Variants in FGD4 observed in about 807,000 individuals in gnomAD.
FGD4 encodes the protein FYVE, RhoGEF and PH domain containing 4.
Under a neutral mutation model 102.0 loss-of-function variants are expected in FGD4, and 42 were observed. The ratio of observed to expected loss-of-function variants is 0.41; its 90% CI spans 0.32 to 0.53. FGD4 has a LOEUF of 0.53. Ranked by LOEUF, FGD4 falls within the 20% of genes least tolerant of loss-of-function variation. FGD4 has a pLI of 0.21. For missense variants in FGD4, 902 were observed against 1,078.2 expected (o/e 0.84, Z 2.29); for synonymous variants, 380 against 375.7 (o/e 1.01, Z -0.13).
chr12:32,531,147 T>G (rs1941777478), intron 1 of FGD4, among the ~76,000 whole-genome samples: 1 of 151,802 alleles, frequency 6.6e-6, no homozygotes, highest in Non-Finnish European at 1.5e-5. Flanking sequence ...AGACAGGGTT[T>G]CACCACGTTG....
intron 10 of FGD4, among the ~76,000 whole-genome samples, chr12:32,612,963 C>T (rs1291477030): frequency 1.3e-5 from 2 of 152,006 alleles, no homozygotes; most frequent in Non-Finnish European, 2.9e-5. Flanking sequence ...CTTTGTTATC[C>T]TAATGAATTT....
chr12:32,475,902 A>T (rs764483869), intron 1 of FGD4, among the ~76,000 whole-genome samples: 8 of 152,180 alleles, frequency 5.3e-5, no homozygotes, highest in Non-Finnish European at 8.8e-5. Flanking sequence ...ATGAAGTCCA[A>T]CTTCTTTATA....
At chr12:32,475,569 C>T (rs1464380556) in intron 1 of FGD4, among the ~76,000 whole-genome samples, 2 of 152,164 alleles carry the variant, frequency 1.3e-5, no homozygotes, top group Admixed American at 1.3e-4. Flanking sequence ...GCATTTGTAT[C>T]ACCTGGGAAC....
In FGD4 at chr12:32,399,899, T is replaced by A; in HGVS notation, c.106T>A (p.Ser36Thr). Residue 36 changes from serine to threonine, a missense_variant, in exon 1 of 17, where the codon TCG becomes ACG. By Grantham distance (58) the Ser-to-Thr change is moderately conservative (BLOSUM62 1). Around this residue, in one of 2 missense-constraint regions of FGD4, gnomAD observed 443 missense variants for 459.2 expected, o/e 0.96. Coordinates refer to ENST00000534526, the MANE Select transcript of FGD4 (RefSeq NM_001370298.3). The stretch of plus-strand genomic sequence containing the variant: ...GCCCCGGCCCTGGAGCAGGCCCGCG[T>A]CGCACCTGGGACGTGTAGGGACCGC... ...GVPRPWSRPA[S>T]HLGRVGTAAF... is the part of the protein sequence containing the mutation. The A allele has an allele frequency of 2.0e-6, 3 of 1,529,290 alleles. No homozygotes were observed. The highest frequency in any genetic ancestry group is 2.6e-6 in the Non-Finnish European group (3 of 1,144,492). The allele number at this position is 1,529,290 out of a possible 1,614,324, so 94.7% of individuals were successfully genotyped here.
chr12:32,640,207 T>G (rs1951086564), intron 16 of FGD4, 69 bp from the exon 17 acceptor site: 4 of 1,611,812 alleles, frequency 2.5e-6, no homozygotes, highest in Non-Finnish European at 3.4e-6. Flanking sequence ...AGAGGTTTAG[T>G]AGGAGCAAGG....
At chr12:32,556,099 C>A (rs985303652) in intron 1 of FGD4, among the ~76,000 whole-genome samples, 1 of 152,060 alleles carries the variant, frequency 6.6e-6, no homozygotes, top group Non-Finnish European at 1.5e-5. Flanking sequence ...CCGTGGCGTC[C>A]CTAAGTGCTG....
intron 5 of FGD4, among the ~76,000 whole-genome samples, chr12:32,598,927 T>C (rs1052427699): frequency 1.3e-5 from 2 of 152,258 alleles, no homozygotes; most frequent in African/African-American, 4.8e-5. Flanking sequence ...ATGATTCTAA[T>C]GCTAAGATGG....
At chr12:32,616,194 G>A (rs1949440980) in intron 10 of FGD4, among the ~76,000 whole-genome samples, 1 of 152,004 alleles carries the variant, frequency 6.6e-6, no homozygotes, top group Non-Finnish European at 1.5e-5. Flanking sequence ...CTGAGCTCTG[G>A]GTCTAACCAA....
chr12:32,457,261 A>C (rs940797104), intron 1 of FGD4, among the ~76,000 whole-genome samples: 1 of 152,146 alleles, frequency 6.6e-6, no homozygotes, highest in Non-Finnish European at 1.5e-5. Flanking sequence ...TTTTAACTAG[A>C]AATCAGAGAT....
At chr12:32,625,289 T>TTTTTA (rs368679104) in intron 13 of FGD4, among the ~76,000 whole-genome samples, 2 of 143,846 alleles carry the variant, frequency 1.4e-5, no homozygotes, top group African/African-American at 5.5e-5. Context: ...TTTTTTTTTT[T>TTTTTA]AACAGAGTCT....
chr12:32,431,784 A>G (rs1248619267), intron 1 of FGD4, among the ~76,000 whole-genome samples: 2 of 152,044 alleles, frequency 1.3e-5, no homozygotes, highest in African/African-American at 4.8e-5. Flanking sequence ...AAAAAAAAAA[A>G]AGAAAATAAT....
At chr12:32,454,778 C>T (rs1055601385) in intron 1 of FGD4, among the ~76,000 whole-genome samples, 4 of 152,144 alleles carry the variant, frequency 2.6e-5, no homozygotes, top group Non-Finnish European at 5.9e-5. Flanking sequence ...GACCGCAGTA[C>T]AATTTAGAGT....
At chr12:32,528,316 A>T (rs189925927) in intron 1 of FGD4, among the ~76,000 whole-genome samples, 1 of 152,216 alleles carries the variant, frequency 6.6e-6, no homozygotes, top group Non-Finnish European at 1.5e-5. Context: ...CATCACCCTC[A>T]TATCGAAATC....
At chr12:32,410,545 G>C (rs10844198) in intron 1 of FGD4, among the ~76,000 whole-genome samples, 10 of 151,920 alleles carry the variant, frequency 6.6e-5, no homozygotes, top group African/African-American at 2.4e-4. Flanking sequence ...ATTTGTCATC[G>C]GTTCTTGAAT....
chr12:32,619,727 C>G lies in FGD4; in HGVS notation c.1779C>G (p.Pro593=). 6.2e-7 allele frequency: 1 copy of G among 1,614,022 alleles called. No homozygotes were observed. Residue 593 remains proline (P), a synonymous_variant, in exon 11 of 17, where the codon CCC becomes CCG. Transcript: ENST00000534526. ...LFNNMLLYCV[P]KFSLVGSKFT... is the part of the protein sequence containing the mutation. The stretch of plus-strand genomic sequence containing the variant: ...ACAACATGTTGCTGTACTGTGTGCC[C>G]AAATTCAGCTTGGTAGGCTCTAAAT...
chr12:32,419,272 T>C (rs922881307), intron 1 of FGD4, among the ~76,000 whole-genome samples: 1 of 152,210 alleles, frequency 6.6e-6, no homozygotes, highest in African/African-American at 2.4e-5. Context: ...TCTTTCACTG[T>C]AGCCCTCACA....
At chr12:32,592,249 AT>A (rs1385043540) in intron 4 of FGD4, among the ~76,000 whole-genome samples, 5 of 151,792 alleles carry the variant, frequency 3.3e-5, no homozygotes, top group Non-Finnish European at 7.4e-5. Flanking sequence ...TTCCCAGCTA[AT>A]TTTTGTATTT....
intron 1 of FGD4, among the ~76,000 whole-genome samples, chr12:32,547,460 C>G (rs924155015): frequency 3.9e-5 from 6 of 152,132 alleles, no homozygotes; most frequent in Admixed American, 3.3e-4. Context: ...ACACACACCC[C>G]AGCCTAACCA....
intron 1 of FGD4, among the ~76,000 whole-genome samples, chr12:32,517,869 G>C (rs1940056607): frequency 6.6e-6 from 1 of 152,088 alleles, no homozygotes; most frequent in South Asian, 2.1e-4. Flanking sequence ...CTGGGTGACA[G>C]AGTGAGACCC....
Sources: allele counts gnomAD v4.1 joint callset (sites outside exome capture counted in the v4.1 genomes callset), GRCh38; gene constraint gnomAD v4.1.1; regional missense constraint gnomAD v4.1.1; transcripts MANE v1.5; gene names NCBI Gene and HGNC (gene_info 2026-07-23, HGNC 2026-07-21).